The following PWWP3A variants were observed in gnomAD, a reference collection of about 807,000 sequenced individuals.
The protein encoded by PWWP3A is PWWP domain containing 3A, DNA repair factor.
PWWP3A carries 53 observed loss-of-function variants against 79.0 expected under a neutral mutation model. The ratio of observed to expected loss-of-function variants is 0.67; its 90% CI spans 0.54 to 0.84. PWWP3A has a LOEUF of 0.84. Ranked by LOEUF, PWWP3A falls within the 40% of genes least tolerant of loss-of-function variation. The pLI, the probability that PWWP3A is intolerant of heterozygous loss-of-function variation, is 0.00. For missense variants in PWWP3A, 973 were observed against 948.0 expected (o/e 1.03, Z -0.35); for synonymous variants, 443 against 394.4 (o/e 1.12, Z -1.46).
At chr19:1,356,273 TA>T in intron 1 of PWWP3A, 50 bp from the exon 2 acceptor site, 1 of 977,126 alleles carries the variant, frequency 1.0e-6, no homozygotes, top group African/African-American at 1.6e-5. Flanking sequence ...GTGTCTGCGT[TA>T]ACATCGCCAG....
chr19:1,369,118 G>A lies in PWWP3A; in HGVS notation c.1423-147G>A. 1.5e-6 allele frequency: 1 copy of A among 674,024 alleles called. No homozygotes were observed. The highest frequency in any genetic ancestry group is 1.7e-5 in the South Asian group (1 of 57,210). The allele number at this position is 674,024 out of a possible 1,614,324, so 41.8% of individuals were successfully genotyped here. ...GTCCCTGTGCGAGGCGTCTGCCAGAGCCCCCTTTGTCAGGGAGGGTCAGAG... is the reference window on the plus strand; with the variant it reads ...GTCCCTGTGCGAGGCGTCTGCCAGAACCCCCTTTGTCAGGGAGGGTCAGAG... On this transcript the variant is annotated intron_variant, in intron 9 of 13. Transcript: ENST00000591337. This position sits in a 1 kb window ranked among gnomAD's most constrained non-coding sequence, Gnocchi z 4.0.
chr19:1,376,295 G>GTTTTTGTT (rs1568968591), intron 13 of PWWP3A, among the ~76,000 whole-genome samples: 51 of 67,022 alleles, frequency 7.6e-4, no homozygotes, highest in Non-Finnish European at 1.1e-3. Flanking sequence ...CCGGCTGTTT[G>GTTTTTGTT]TTTTTTTTTT....
chr19:1,364,473 C>CTTT, intron 6 of PWWP3A, 36 bp from the exon 7 acceptor site: 1 of 1,321,794 alleles, frequency 7.6e-7, no homozygotes, highest in Admixed American at 2.2e-5. Context: ...CTTGTCTATT[C>CTTT]TTTTTTTTTT....
chr19:1,366,317 A>G lies in PWWP3A; in HGVS notation c.1297A>G (p.Arg433Gly). ...GATTTGTGAACAGGTCAAAAGCGTC[A>G]GGCAGAGAGATAAGAAAGCAAGTGT... is the stretch of plus-strand genomic sequence containing the variant. Reference protein sequence around the residue: ...PFWPAVVKSVRQRDKKASVLY... With the variant: ...PFWPAVVKSVGQRDKKASVLY... Residue 433 changes from arginine (R) to glycine (G), a missense_variant, in exon 8 of 14, where the codon AGG (arginine) becomes GGG (glycine). Transcript: ENST00000591337. 6.2e-7 allele frequency: 1 copy of G among 1,614,194 alleles called. No individual in the cohort carries two copies. Among genetic ancestry groups the G allele is most frequent in the African/African-American group, 1.3e-5 (1 of 75,078 alleles).
rs2081985963 is a variant in PWWP3A at position 1,360,458 on chromosome 19, G to T, written c.537G>T (p.Gly179=). 1.2e-6 allele frequency: 2 copies of T among 1,614,060 alleles called. No homozygotes were observed. Among genetic ancestry groups the T allele is most frequent in the African/African-American group, 1.3e-5 (1 of 74,922 alleles). The stretch of plus-strand genomic sequence containing the variant: ...AGTGCAAAGTGGACCACAAGAAGGG[G>T]CTCAGGAAAAGTGAAAACCCAAGAG... ...DPECKVDHKK[G]LRKSENPRGP... is the part of the protein sequence containing the mutation. Residue 179 remains glycine, a synonymous_variant, in exon 5 of 14, where the codon GGG becomes GGT. Transcript: ENST00000591337. This position sits in a 1 kb window ranked among gnomAD's most constrained non-coding sequence, Gnocchi z 4.4.
Position 1,362,263 on chromosome 19 carries a change from C to G in PWWP3A, c.1125C>G (p.Ser375=). 1.9e-6 allele frequency: 3 copies of G among 1,612,766 alleles called. No individual in the cohort carries two copies. Among genetic ancestry groups the G allele is most frequent in the Non-Finnish European group, 2.5e-6 (3 of 1,179,508 alleles). The part of the protein sequence containing the change: ...SQKLEKECQS[S]EESMGSNSMR... The stretch of plus-strand genomic sequence containing the variant: ...CATTATTGGCAGAGTGCCAGTCTTC[C>G]GAAGAGTCCATGGGGTCTAATTCCA... The change falls in exon 6 of 14, where the codon TCC becomes TCG. Residue 375 remains serine, a synonymous_variant. Transcript: ENST00000591337.
rs527384517 is a variant in PWWP3A, at chr19:1,358,631, C to T, written c.214+167C>T. On this transcript the variant is annotated intron_variant, in intron 4 of 13. Transcript: ENST00000591337. ...GCTGAAGGAGAAGGAAAAATGGATC[C>T]GCTTTCTTAAACCTTTCCAGAATTT... The T allele has an allele frequency of 6.0e-4, 919 of 1,541,836 alleles. 2 individuals carry two copies. The highest frequency in any genetic ancestry group is 1.3e-3 in the Middle Eastern group (8 of 5,992).
intron 8 of PWWP3A, among the ~76,000 whole-genome samples, chr19:1,366,734 C>A (rs116295180): frequency 6.6e-6 from 1 of 152,260 alleles, no homozygotes; most frequent in Non-Finnish European, 1.5e-5. Context: ...CCTGCGTCCA[C>A]CTGAGTTTGC....
rs1225941707 is a variant in PWWP3A at position 1,378,088 on chromosome 19, G to A, written c.*1512G>A. On this transcript the variant is annotated 3_prime_UTR_variant, in exon 14 of 14. Coordinates refer to ENST00000591337, the MANE Select transcript of PWWP3A (RefSeq NM_001369789.1). ...CTCCCATGCCCGCACGCTGGGGTCTGTCTTGTCTGGAGCAGTGGGGCACAC... is the reference window on the plus strand; with the variant it reads ...CTCCCATGCCCGCACGCTGGGGTCTATCTTGTCTGGAGCAGTGGGGCACAC... The A allele has an allele frequency of 6.6e-6, 1 of 152,270 alleles. No homozygotes were observed. Among genetic ancestry groups the A allele is most frequent in the African/African-American group, 2.4e-5 (1 of 41,444 alleles). 9.4% of individuals were successfully genotyped at this position (152,270 alleles called of 1,614,324 possible).
rs1489189929 is a variant in PWWP3A, at chr19:1,377,479, C to G, written c.*903C>G. On this transcript the variant is annotated 3_prime_UTR_variant, in exon 14 of 14. Coordinates refer to ENST00000591337, the MANE Select transcript of PWWP3A (RefSeq NM_001369789.1). ...GTGCCCGCCATGGCAGAAGCGCAGCCTTTGTATGGAGGCCCAACCGCGCTC... is the reference window on the plus strand; with the variant it reads ...GTGCCCGCCATGGCAGAAGCGCAGCGTTTGTATGGAGGCCCAACCGCGCTC... The G allele has an allele frequency of 6.6e-6, 1 of 152,366 alleles. No individual in the cohort carries two copies. Among genetic ancestry groups the G allele is most frequent in the Non-Finnish European group, 1.5e-5 (1 of 68,176 alleles). 9.4% of individuals were successfully genotyped at this position (152,366 alleles called of 1,614,324 possible).
At position 1,369,253 on chromosome 19, in the gene PWWP3A, A is replaced by T. The variant is rs368139611; in HGVS notation, c.1423-12A>T. 37 of 1,613,646 alleles carry T rather than the reference A, an allele frequency of 2.3e-5. No individual in the cohort carries two copies. The highest frequency in any genetic ancestry group is 2.9e-5 in the Non-Finnish European group (34 of 1,179,882). On this transcript the variant is annotated splice_polypyrimidine_tract_variant and intron_variant, in intron 9 of 13. Coordinates refer to ENST00000591337, the MANE Select transcript of PWWP3A (RefSeq NM_001369789.1). The surrounding 1 kb of genome is among the most constrained non-coding windows in gnomAD (Gnocchi z 4.0). ...CCTCCCACTGACGCCTGCTGCCCGG[A>T]TCTCATTGTAGAATCAAGCCAGGGA...
rs202235717 is a variant in PWWP3A, at chr19:1,362,350, C to T, written c.1212C>T (p.His404=). 2.0e-5 allele frequency: 33 copies of T among 1,613,022 alleles called. No individual in the cohort carries two copies. Among genetic ancestry groups the T allele is most frequent in the East Asian group, 1.3e-4 (6 of 44,862 alleles). Reference sequence around the variant, plus strand: ...AGCCACCAAGAGTCCTTTTATACCACGGTAAGAAATGATCAGGGGGCGCCG... The same window carrying T: ...AGCCACCAAGAGTCCTTTTATACCATGGTAAGAAATGATCAGGGGGCGCCG... ...DEEPPRVLLY[H]EPRSFEVGML... is the part of the protein sequence containing the mutation. The change falls in exon 6 of 14, where the codon CAC becomes CAT. Residue 404 remains histidine (H), a splice_region_variant and synonymous_variant. Transcript: ENST00000591337.
intron 11 of PWWP3A, among the ~76,000 whole-genome samples, chr19:1,370,205 C>T (rs1290574897): frequency 3.3e-5 from 5 of 152,326 alleles, no homozygotes; most frequent in African/African-American, 1.2e-4. Flanking sequence ...CGCTGCACTC[C>T]AGCCTGGGTG....
At chr19:1,375,708 A>T (rs2082371862) in intron 13 of PWWP3A, among the ~76,000 whole-genome samples, 1 of 141,482 alleles carries the variant, frequency 7.1e-6, no homozygotes, top group East Asian at 2.0e-4. Flanking sequence ...TTTAATATAT[A>T]ATATATATAA....
chr19:1,375,550 T>TATATATTATAAA (rs1568965466), intron 13 of PWWP3A, among the ~76,000 whole-genome samples: 1 of 2,398 alleles, frequency 4.2e-4, no homozygotes, highest in Non-Finnish European at 7.5e-4. Context: ...ATATATAAAA[T>TATATATTATAAA]ATATATTATA....
At chr19:1,363,840 G>A (rs890072446) in intron 6 of PWWP3A, among the ~76,000 whole-genome samples, 2 of 152,088 alleles carry the variant, frequency 1.3e-5, no homozygotes, top group African/African-American at 4.8e-5. Context: ...AGGCCTTTAG[G>A]TTTTGATCTG....
At chr19:1,370,583 A>G in intron 11 of PWWP3A, 59 bp from the exon 12 acceptor site, 1 of 1,412,484 alleles carries the variant, frequency 7.1e-7, no homozygotes, top group South Asian at 1.6e-5. Flanking sequence ...GCCCTGACCC[A>G]CAGCCACCCG....
intron 3 of PWWP3A, 43 bp from the exon 4 acceptor site, chr19:1,358,348 TGGC>T (rs778991206): frequency 6.7e-7 from 1 of 1,494,248 alleles, no homozygotes; most frequent in South Asian, 1.2e-5. Flanking sequence ...GAAAATGTCT[TGGC>T]GGCGTTGGCT....
At position 1,362,244 on chromosome 19, in the gene PWWP3A, T is replaced by C; in HGVS notation, c.1112-6T>C. On this transcript the variant is annotated splice_region_variant and splice_polypyrimidine_tract_variant and intron_variant, in intron 5 of 13. Coordinates refer to ENST00000591337, the MANE Select transcript of PWWP3A (RefSeq NM_001369789.1). Reference sequence around the variant, plus strand: ...CCATGAAAGTCTAATATCACATTATTGGCAGAGTGCCAGTCTTCCGAAGAG... The same window carrying C: ...CCATGAAAGTCTAATATCACATTATCGGCAGAGTGCCAGTCTTCCGAAGAG... 1 of 1,607,212 alleles carries C rather than the reference T, an allele frequency of 6.2e-7. No individual in the cohort carries two copies. Among genetic ancestry groups the C allele is most frequent in the Admixed American group, 1.7e-5 (1 of 58,064 alleles).
Sources: gnomAD v4.1 joint callset for allele counts (sites outside exome capture counted in the v4.1 genomes callset) on GRCh38, gnomAD v4.1.1 for gene constraint, Gnocchi (gnomAD v3.1) non-coding constraint, MANE v1.5 for transcripts, NCBI Gene and HGNC (gene_info 2026-07-23, HGNC 2026-07-21) for gene names.